The following ENPP3 variants were observed in gnomAD, a reference collection of about 807,000 sequenced individuals.
ENPP3 encodes the protein ectonucleotide pyrophosphatase/phosphodiesterase 3, also known as ectonucleotide pyrophosphatase/phosphodiesterase family member 3.
Under a neutral mutation model 117.8 loss-of-function variants are expected in ENPP3, and 104 were observed. The observed-to-expected ratio is 0.88, with a 90% CI of 0.75 to 1.04. The LOEUF is 1.04. ENPP3 is among the 50% of genes least tolerant of loss of function. The pLI, the probability that ENPP3 is intolerant of heterozygous loss-of-function variation, is 0.00. For synonymous variants in ENPP3, 380 were observed against 349.9 expected, an observed-to-expected ratio of 1.09 and a Z score of -0.96; for missense variants, 1,026 against 1,051.9, an observed-to-expected ratio of 0.98 and a Z score of 0.34.
At chr6:131,645,178 G>T (rs544886688) in intron 2 of ENPP3, among the ~76,000 whole-genome samples, 1 of 152,216 alleles carries the variant, frequency 6.6e-6, no homozygotes, top group Admixed American at 6.5e-5. Context: ...AAATACTGCA[G>T]GTTCCCTTAT....
At chr6:131,647,945 A>G (rs1293591766) in intron 2 of ENPP3, among the ~76,000 whole-genome samples, 1 of 152,086 alleles carries the variant, frequency 6.6e-6, no homozygotes, top group East Asian at 1.9e-4. Context: ...ATTTTATAAC[A>G]GCAACTTTGT....
At chr6:131,746,128 AT>A (rs1479008928) in intron 24 of ENPP3, among the ~76,000 whole-genome samples, 1 of 152,064 alleles carries the variant, frequency 6.6e-6, no homozygotes, top group Non-Finnish European at 1.5e-5. Flanking sequence ...TGGCCCAACA[AT>A]TTTATTAATA....
chr6:131,719,943 TATG>T (rs1585714584), intron 16 of ENPP3, among the ~76,000 whole-genome samples: 3 of 152,272 alleles, frequency 2.0e-5, no homozygotes, highest in Non-Finnish European at 2.9e-5. Context: ...GAAAAGATAA[TATG>T]ATGTTATATG....
intron 12 of ENPP3, among the ~76,000 whole-genome samples, chr6:131,684,175 A>G (rs1779096895): frequency 6.6e-6 from 1 of 152,166 alleles, no homozygotes; most frequent in South Asian, 2.1e-4. Context: ...AAGCCCCAAT[A>G]TCTGTGAAGA....
At chr6:131,685,181 C>T (rs1779124699) in intron 12 of ENPP3, among the ~76,000 whole-genome samples, 183 bp from the exon 13 acceptor site, 1 of 152,164 alleles carries the variant, frequency 6.6e-6, no homozygotes, top group African/African-American at 2.4e-5. Context: ...TTCCCTCAAA[C>T]ATGACCCTTC....
intron 2 of ENPP3, among the ~76,000 whole-genome samples, chr6:131,647,236 T>C (rs1444541376): frequency 6.6e-6 from 1 of 152,192 alleles, no homozygotes; most frequent in African/African-American, 2.4e-5. Flanking sequence ...TTTCAAATAA[T>C]AACGTAAGCA....
intron 1 of ENPP3, among the ~76,000 whole-genome samples, chr6:131,639,112 A>C (rs1777987374): frequency 6.6e-6 from 1 of 152,048 alleles, no homozygotes; most frequent in African/African-American, 2.4e-5. Context: ...TTGTTTCAAG[A>C]AGTAAATAAA....
At chr6:131,638,742 C>G (rs1227078171) in intron 1 of ENPP3, among the ~76,000 whole-genome samples, 2 of 151,988 alleles carry the variant, frequency 1.3e-5, no homozygotes. Flanking sequence ...TTTTCCTCAG[C>G]CAAGAATTCC....
intron 6 of ENPP3, among the ~76,000 whole-genome samples, chr6:131,664,464 T>G (rs1383793445): frequency 6.6e-6 from 1 of 152,208 alleles, no homozygotes; most frequent in Non-Finnish European, 1.5e-5. Context: ...GTAGAAAAGT[T>G]ACAGTAAGCT....
chr6:131,708,839 C>T, intron 15 of ENPP3: 1 of 1,609,376 alleles, frequency 6.2e-7, no homozygotes. Context: ...AACATGGTTC[C>T]TGGAGGAGGT....
At chr6:131,730,621 A>G (rs1446311867) in intron 20 of ENPP3, among the ~76,000 whole-genome samples, 1 of 152,210 alleles carries the variant, frequency 6.6e-6, no homozygotes, top group Non-Finnish European at 1.5e-5. Context: ...TTTTCTTCAA[A>G]ATTAGTAAGA....
At chr6:131,660,668 G>A (rs969282350) in intron 6 of ENPP3, among the ~76,000 whole-genome samples, 10 of 152,204 alleles carry the variant, frequency 6.6e-5, no homozygotes, top group Admixed American at 5.2e-4. Context: ...TGGCATTCAT[G>A]AACAGCAGAG....
At chr6:131,676,676 T>C in intron 9 of ENPP3, 60 bp from the exon 10 acceptor site, 2 of 1,115,188 alleles carry the variant, frequency 1.8e-6, no homozygotes, top group Non-Finnish European at 2.8e-6. Context: ...AATAGGAATG[T>C]AATGGAGTTA....
intron 18 of ENPP3, among the ~76,000 whole-genome samples, chr6:131,722,858 G>A (rs1283047050): frequency 6.6e-6 from 1 of 152,156 alleles, no homozygotes; most frequent in Non-Finnish European, 1.5e-5. Flanking sequence ...TGGGTAGCAG[G>A]GAAGAATCTG....
At chr6:131,676,071 G>T (rs536372332) in intron 9 of ENPP3, among the ~76,000 whole-genome samples, 2 of 152,036 alleles carry the variant, frequency 1.3e-5, no homozygotes, top group Admixed American at 1.3e-4. Context: ...TGCTTCTGCT[G>T]CAGGACATTG....
chr6:131,637,913 T>TCTC (rs147351933), intron 1 of ENPP3, among the ~76,000 whole-genome samples: 1,637 of 152,136 alleles, frequency 0.011, 28 homozygotes, highest in African/African-American at 0.038. Flanking sequence ...TGTGGTAAGA[T>TCTC]CTGCCACCCC....
chr6:131,652,847 G>A lies in ENPP3; in HGVS notation c.420G>A (p.Leu140=), dbSNP rs1340524981. The change falls in exon 5 of 25, where the codon CTG becomes CTA. Residue 140 remains leucine (L), a synonymous_variant. Coordinates refer to ENST00000357639, the MANE Select transcript of ENPP3 (RefSeq NM_005021.5). ...GCTTTTCAGGAGAAACCTCATGGCT[G>A]GAAGAAAACTGTGACACAGCCCAGC... ...KSVCQGETSW[L]EENCDTAQQS... 1 of 1,613,386 alleles carries A rather than the reference G, an allele frequency of 6.2e-7. No individual in the cohort carries two copies. The highest frequency in any genetic ancestry group is 1.1e-5 in the South Asian group (1 of 91,050).
intron 5 of ENPP3, among the ~76,000 whole-genome samples, chr6:131,655,210 T>C (rs1778360280): frequency 6.6e-6 from 1 of 152,210 alleles, no homozygotes. Flanking sequence ...CTTCTCATGG[T>C]TCAAATTACA....
chr6:131,687,476 C>T (rs1779177902), intron 14 of ENPP3, among the ~76,000 whole-genome samples: 1 of 152,004 alleles, frequency 6.6e-6, no homozygotes, highest in Admixed American at 6.6e-5. Context: ...GGCTAAGTCC[C>T]CAAAAGCAAT....
Sources: gnomAD v4.1 joint callset for allele counts (sites outside exome capture counted in the v4.1 genomes callset) on GRCh38, gnomAD v4.1.1 for gene constraint, MANE v1.5 for transcripts, NCBI Gene and HGNC (gene_info 2026-07-23, HGNC 2026-07-21) for gene names.